ST8SIA1: variants seen among roughly 807,000 people sequenced by gnomAD.
ST8SIA1 encodes alpha-N-acetylneuraminide alpha-2,8-sialyltransferase.
ST8SIA1 carries 16 observed loss-of-function variants against 35.9 expected under a neutral mutation model. The observed-to-expected ratio is 0.45, with a 90% CI of 0.30 to 0.68. The LOEUF is 0.68. Ranked by LOEUF, ST8SIA1 falls within the 30% of genes least tolerant of loss-of-function variation. The pLI is 0.09. For synonymous variants in ST8SIA1, 170 were observed against 169.6 expected (o/e 1.00, Z -0.02); for missense variants, 383 against 453.6 (o/e 0.84, Z 1.41).
chr12:22,297,761 G>GCTC lies in ST8SIA1; in HGVS notation c.237-10471_237-10469dup, dbSNP rs1160245843. On this transcript the variant is annotated intron_variant, in intron 1 of 4. Transcript: ENST00000396037. ...TTGTGAAATTATGAAATATAAATTT[G>GCTC]CTCTTTGACCCCGTTTCCTGGCATA... 5.9e-5 allele frequency among the ~76,000 whole-genome samples: 9 copies of GCTC among 152,138 alleles called. No individual in the cohort carries two copies. The East Asian group carries it at 1.7e-3, about 29-fold the overall frequency.
chr12:22,259,931 T>A (rs1286840869), intron 2 of ST8SIA1, among the ~76,000 whole-genome samples: 1 of 152,182 alleles, frequency 6.6e-6, no homozygotes, highest in Non-Finnish European at 1.5e-5. Flanking sequence ...AGTTTGGTCA[T>A]CCATTGCCAC....
intron 4 of ST8SIA1, among the ~76,000 whole-genome samples, chr12:22,232,657 G>C (rs1039740096): frequency 2.6e-5 from 4 of 152,062 alleles, no homozygotes; most frequent in African/African-American, 9.7e-5. Context: ...TAAGCCCTGA[G>C]ACTGGATAAA....
At chr12:22,264,014 A>C (rs956187605) in intron 2 of ST8SIA1, among the ~76,000 whole-genome samples, 4 of 152,044 alleles carry the variant, frequency 2.6e-5, no homozygotes, top group African/African-American at 7.2e-5. Flanking sequence ...ATCTAATTGC[A>C]TTCCGACCCT....
chr12:22,294,461 G>C (rs1052824442), intron 1 of ST8SIA1, among the ~76,000 whole-genome samples: 1 of 152,134 alleles, frequency 6.6e-6, no homozygotes, highest in Admixed American at 6.5e-5. Context: ...TTAGATTATT[G>C]CTTCAAAATA....
intron 4 of ST8SIA1, among the ~76,000 whole-genome samples, chr12:22,209,447 A>G (rs540952955): frequency 7.2e-5 from 11 of 152,218 alleles, no homozygotes; most frequent in Non-Finnish European, 1.5e-4. Context: ...ATAGCAAACT[A>G]ACAGTCTTCC....
At chr12:22,295,719 G>C (rs1292751157) in intron 1 of ST8SIA1, among the ~76,000 whole-genome samples, 1 of 152,170 alleles carries the variant, frequency 6.6e-6, no homozygotes, top group Non-Finnish European at 1.5e-5. Flanking sequence ...GCAACAAAGT[G>C]AGACCCTGTT....
At chr12:22,231,683 C>T (rs962507362) in intron 4 of ST8SIA1, among the ~76,000 whole-genome samples, 1 of 151,958 alleles carries the variant, frequency 6.6e-6, no homozygotes, top group African/African-American at 2.4e-5. Context: ...ACGCCATTCT[C>T]CTGCCTCAGC....
At chr12:22,260,270 T>C (rs1173331815) in intron 2 of ST8SIA1, among the ~76,000 whole-genome samples, 3 of 151,744 alleles carry the variant, frequency 2.0e-5, no homozygotes, top group Non-Finnish European at 2.9e-5. Flanking sequence ...CAAGCAATCC[T>C]CCTGCCTCAG....
At chr12:22,238,827 A>T (rs1446504109) in intron 4 of ST8SIA1, among the ~76,000 whole-genome samples, 1 of 152,142 alleles carries the variant, frequency 6.6e-6, no homozygotes, top group East Asian at 1.9e-4. Context: ...TTAGCAATTC[A>T]TTTGCATCCC....
chr12:22,231,952 G>T (rs1865426592), intron 4 of ST8SIA1, among the ~76,000 whole-genome samples: 1 of 152,144 alleles, frequency 6.6e-6, no homozygotes, highest in South Asian at 2.1e-4. Context: ...GAGAAATGCT[G>T]CCACTTGAAT....
Position 22,198,516 on chromosome 12 carries a change from T to A in ST8SIA1, c.*3036A>T, listed in dbSNP as rs999267611. 1 of 121,220 alleles carries A rather than the reference T, an allele frequency of 8.2e-6. No homozygotes were observed. Among genetic ancestry groups the A allele is most frequent in the South Asian group, 2.8e-4 (1 of 3,512 alleles). The allele number at this position is 121,220 out of a possible 1,614,324, so 7.5% of individuals were successfully genotyped here. On this transcript the variant is annotated 3_prime_UTR_variant, in exon 5 of 5. Coordinates refer to ENST00000396037, the MANE Select transcript of ST8SIA1 (RefSeq NM_003034.4). ...CAGTTAAGGATAGAGATGCCTAACT[T>A]CATGCTACACACACACACACACACA... is the stretch of plus-strand genomic sequence containing the variant.
chr12:22,281,929 G>A (rs1182896116), intron 2 of ST8SIA1, among the ~76,000 whole-genome samples: 1 of 151,988 alleles, frequency 6.6e-6, no homozygotes, highest in South Asian at 2.1e-4. Flanking sequence ...GATCACTTGA[G>A]CCCAGAAGGT....
intron 1 of ST8SIA1, among the ~76,000 whole-genome samples, chr12:22,314,028 G>A (rs758827268): frequency 2.6e-5 from 4 of 152,112 alleles, no homozygotes; most frequent in East Asian, 1.9e-4. Flanking sequence ...CCTTAAAACC[G>A]TGAGTTGCTT....
At chr12:22,265,129 T>G (rs1865831962) in intron 2 of ST8SIA1, among the ~76,000 whole-genome samples, 1 of 152,234 alleles carries the variant, frequency 6.6e-6, no homozygotes, top group Non-Finnish European at 1.5e-5. Flanking sequence ...TTTTTACTGA[T>G]GTTGTTTCTG....
intron 2 of ST8SIA1, among the ~76,000 whole-genome samples, chr12:22,271,106 T>C (rs1473831078): frequency 6.6e-6 from 1 of 152,130 alleles, no homozygotes; most frequent in Middle Eastern, 3.2e-3. Flanking sequence ...CTCAAGAAAA[T>C]GAAGCTTTGG....
chr12:22,200,988 A>G lies in ST8SIA1; in HGVS notation c.*564T>C, dbSNP rs936923627. ...CTATAGTTAATATAGACGTGGCTCAACAAATCACAATTATCAGCAGTAACA... is the reference window on the plus strand; with the variant it reads ...CTATAGTTAATATAGACGTGGCTCAGCAAATCACAATTATCAGCAGTAACA... On this transcript the variant is annotated 3_prime_UTR_variant, in exon 5 of 5. Transcript: ENST00000396037. 1.4e-4 allele frequency: 22 copies of G among 152,234 alleles called. No individual in the cohort carries two copies. The highest frequency in any genetic ancestry group is 5.1e-4 in the African/African-American group (21 of 41,458). The allele number at this position is 152,234 out of a possible 1,614,324, so 9.4% of individuals were successfully genotyped here.
intron 2 of ST8SIA1, among the ~76,000 whole-genome samples, chr12:22,277,033 C>T (rs952093036): frequency 1.5e-4 from 23 of 152,302 alleles, no homozygotes; most frequent in African/African-American, 4.8e-4. Flanking sequence ...ATCTCAGTCT[C>T]TCAATCACCC....
chr12:22,244,654 T>G (rs1347194453), intron 4 of ST8SIA1, among the ~76,000 whole-genome samples: 2 of 152,014 alleles, frequency 1.3e-5, no homozygotes, highest in Non-Finnish European at 2.9e-5. Context: ...GACGAGGTTT[T>G]GCCATGTTGT....
chr12:22,322,305 G>C (rs543236537), intron 1 of ST8SIA1, among the ~76,000 whole-genome samples: 1 of 152,184 alleles, frequency 6.6e-6, no homozygotes, highest in Non-Finnish European at 1.5e-5. Context: ...TTGCTGTATG[G>C]GGGAAGGCCT....
Sources: allele counts gnomAD v4.1 joint callset (sites outside exome capture counted in the v4.1 genomes callset), GRCh38; gene constraint gnomAD v4.1.1; transcripts MANE v1.5; gene names NCBI Gene and HGNC (gene_info 2026-07-23, HGNC 2026-07-21).